SRGAP1: variants seen among roughly 807,000 people sequenced by gnomAD.
SRGAP1 encodes the protein SLIT-ROBO Rho GTPase activating protein 1, also known as SLIT-ROBO Rho GTPase-activating protein 1.
A neutral mutation model predicts 121.9 loss-of-function variants in SRGAP1; 43 were observed. That is an observed-to-expected ratio of 0.35 (90% CI 0.28 to 0.46). The LOEUF is 0.46. Ranked by LOEUF, SRGAP1 falls within the 20% of genes least tolerant of loss-of-function variation. SRGAP1 has a pLI of 1.00. For synonymous variants in SRGAP1, 447 were observed against 485.4 expected (o/e 0.92, Z 1.04); for missense variants, 1,102 against 1,350.9 (o/e 0.82, Z 2.89).
intron 1 of SRGAP1, among the ~76,000 whole-genome samples, chr12:63,938,027 ACTGT>A (rs764138574): frequency 2.6e-5 from 4 of 152,190 alleles, no homozygotes; most frequent in Non-Finnish European, 4.4e-5. Context: ...ACATTGGCAC[ACTGT>A]CTGTGTGGAC....
At position 64,149,689 on chromosome 12, in the gene SRGAP1, G is replaced by T. The variant is rs989549940; in HGVS notation, c.*7017G>T. ...TTAGAAAGGCAGAGCAAGGGTGTTT[G>T]CTGGCTTCTGCCTTGAGTAGTTGGG... On this transcript the variant is annotated 3_prime_UTR_variant, in exon 22 of 22. Transcript: ENST00000355086. 2 of 152,154 alleles carry T rather than the reference G, an allele frequency of 1.3e-5. No individual in the cohort carries two copies. Among genetic ancestry groups the T allele is most frequent in the African/African-American group, 4.8e-5 (2 of 41,430 alleles). 9.4% of individuals were successfully genotyped at this position (152,154 alleles called of 1,614,324 possible). A position where few individuals can be genotyped will look rare whatever the true frequency, so the allele number is the denominator to read the frequency against.
At chr12:64,116,553 G>C (rs998692026) in intron 18 of SRGAP1, among the ~76,000 whole-genome samples, 6 of 151,932 alleles carry the variant, frequency 3.9e-5, no homozygotes, top group Non-Finnish European at 8.8e-5. Context: ...TTATGTTCCT[G>C]ATGTTCATCT....
At chr12:64,079,446 T>G (rs2035797357) in intron 9 of SRGAP1, among the ~76,000 whole-genome samples, 1 of 150,678 alleles carries the variant, frequency 6.6e-6, no homozygotes, top group Non-Finnish European at 1.5e-5. Flanking sequence ...CTGGGCATCA[T>G]GGCAAAACCC....
chr12:63,940,550 C>T (rs982297147), intron 1 of SRGAP1, among the ~76,000 whole-genome samples: 1 of 152,062 alleles, frequency 6.6e-6, no homozygotes. Context: ...AGTTTTTATA[C>T]TTCCTTCATT....
At chr12:64,055,947 C>T (rs1472942026) in intron 6 of SRGAP1, among the ~76,000 whole-genome samples, 1 of 152,144 alleles carries the variant, frequency 6.6e-6, no homozygotes, top group Non-Finnish European at 1.5e-5. Flanking sequence ...TGTACATCAA[C>T]TCACTACTGA....
intron 18 of SRGAP1, among the ~76,000 whole-genome samples, chr12:64,122,621 C>T (rs2036621816): frequency 6.6e-6 from 1 of 152,086 alleles, no homozygotes; most frequent in Non-Finnish European, 1.5e-5. Context: ...ATAATAAGGC[C>T]AGGCCCAGTG....
At chr12:63,907,332 T>A (rs556002548) in intron 1 of SRGAP1, among the ~76,000 whole-genome samples, 11 of 151,940 alleles carry the variant, frequency 7.2e-5, no homozygotes, top group Admixed American at 6.6e-4. Flanking sequence ...AGGTCAGGAG[T>A]TCGAGACCAG....
At chr12:63,982,233 C>CA (rs370379642) in intron 1 of SRGAP1, among the ~76,000 whole-genome samples, 2,099 of 145,510 alleles carry the variant, frequency 0.014, 64 homozygotes, top group African/African-American at 0.049. Context: ...AAAACAAAAA[C>CA]AAAAAAAAGA....
chr12:64,058,479 G>A (rs2136530172), intron 6 of SRGAP1, among the ~76,000 whole-genome samples: 1 of 152,158 alleles, frequency 6.6e-6, no homozygotes, highest in Non-Finnish European at 1.5e-5. Context: ...ATATCTATTG[G>A]AATCTGTCTT....
intron 17 of SRGAP1, among the ~76,000 whole-genome samples, chr12:64,115,145 A>T (rs931948807): frequency 6.6e-6 from 1 of 152,224 alleles, no homozygotes; most frequent in African/African-American, 2.4e-5. Flanking sequence ...ACCAATTTAT[A>T]TGTAGTAAAG....
At chr12:63,958,484 A>G (rs1302779416) in intron 1 of SRGAP1, among the ~76,000 whole-genome samples, 1 of 152,184 alleles carries the variant, frequency 6.6e-6, no homozygotes, top group Non-Finnish European at 1.5e-5. Context: ...GCCATTAACT[A>G]TGATTGATTG....
At chr12:63,983,836 ATATATATATATATATATATT>A (rs1565981730) in intron 1 of SRGAP1, 91 bp from the exon 2 acceptor site, 5 of 99,934 alleles carry the variant, frequency 5.0e-5, no homozygotes, top group Non-Finnish European at 5.8e-5. Flanking sequence ...ATATATATAT[ATATATATATATATATATATT>A]TATATATATT....
chr12:64,020,538 G>A (rs2034516772), intron 4 of SRGAP1, among the ~76,000 whole-genome samples: 1 of 152,164 alleles, frequency 6.6e-6, no homozygotes, highest in Admixed American at 6.5e-5. Flanking sequence ...GACAGCCAGA[G>A]CAGTTAAGAT....
chr12:63,868,229 G>A (rs1818035924), intron 1 of SRGAP1, among the ~76,000 whole-genome samples: 1 of 150,860 alleles, frequency 6.6e-6, no homozygotes, highest in Admixed American at 6.6e-5. Context: ...TTACAGGTGT[G>A]CACCACCACA....
chr12:63,847,638 C>T (rs1387633342), intron 1 of SRGAP1, among the ~76,000 whole-genome samples: 2 of 151,964 alleles, frequency 1.3e-5, no homozygotes, highest in East Asian at 2.0e-4. Flanking sequence ...CCCAGCTACC[C>T]TGGAGGCTGA....
Position 64,160,330 on chromosome 12 carries a change from G to T in SRGAP1, c.*17658G>T, listed in dbSNP as rs2037200151. 2 of 152,228 alleles carry T rather than the reference G, an allele frequency of 1.3e-5. No individual in the cohort carries two copies. The highest frequency in any genetic ancestry group is 4.1e-4 in the South Asian group (2 of 4,832). 9.4% of individuals were successfully genotyped at this position (152,228 alleles called of 1,614,324 possible). The stretch of plus-strand genomic sequence containing the variant: ...GAGAGTGTATTTTGAGACATTCCAT[G>T]TCTAGAAAGTGTCTTTATCTCACAT... On this transcript the variant is annotated 3_prime_UTR_variant, in exon 22 of 22. Transcript: ENST00000355086.
At chr12:64,127,818 T>G (rs1425746810) in intron 20 of SRGAP1, 43 bp from the exon 21 acceptor site, 2 of 1,597,892 alleles carry the variant, frequency 1.3e-6, no homozygotes, top group African/African-American at 2.7e-5. Flanking sequence ...CTGCCCGGTG[T>G]GATAAGCTCT....
At chr12:64,130,675 C>T (rs1335458854) in intron 21 of SRGAP1, among the ~76,000 whole-genome samples, 1 of 152,122 alleles carries the variant, frequency 6.6e-6, no homozygotes, top group Non-Finnish European at 1.5e-5. Flanking sequence ...ATGGTAAGAC[C>T]CATGAATTCC....
intron 6 of SRGAP1, among the ~76,000 whole-genome samples, chr12:64,047,717 G>T (rs1462376252): frequency 6.6e-6 from 1 of 151,960 alleles, no homozygotes; most frequent in Non-Finnish European, 1.5e-5. Context: ...ATTATAAATG[G>T]ATCTATTGAT....
Sources: gnomAD v4.1 joint callset for allele counts (sites outside exome capture counted in the v4.1 genomes callset) on GRCh38, gnomAD v4.1.1 for gene constraint, MANE v1.5 for transcripts, NCBI Gene and HGNC (gene_info 2026-07-23, HGNC 2026-07-21) for gene names.